Variants in KCNIP4 observed in about 807,000 individuals in gnomAD.
The protein encoded by KCNIP4 is potassium voltage-gated channel interacting protein 4, also known as Kv channel-interacting protein 4.
A neutral mutation model predicts 34.0 loss-of-function variants in KCNIP4; 12 were observed. The observed-to-expected ratio is 0.35, with a 90% confidence interval of 0.23 to 0.57. The LOEUF is 0.57. Ranked by LOEUF, KCNIP4 falls within the 20% of genes least tolerant of loss-of-function variation. The pLI is 0.83. For synonymous variants in KCNIP4, 124 were observed against 102.2 expected (o/e 1.21, Z -1.29); for missense variants, 238 against 311.7 (o/e 0.76, Z 1.78).
intron 2 of KCNIP4, among the ~76,000 whole-genome samples, chr4:20,875,493 T>C (rs1227517878): frequency 6.6e-6 from 1 of 152,210 alleles, no homozygotes; most frequent in Non-Finnish European, 1.5e-5. Flanking sequence ...GTTTGTTAAA[T>C]AGATAAAAAT....
chr4:21,874,658 A>C (rs928610799), intron 1 of KCNIP4, among the ~76,000 whole-genome samples: 2 of 152,130 alleles, frequency 1.3e-5, no homozygotes, highest in Admixed American at 6.5e-5. Context: ...TGGGTGCTAC[A>C]CCATTCTATT....
chr4:21,583,453 C>T (rs73252274), intron 1 of KCNIP4, among the ~76,000 whole-genome samples: 9,891 of 151,792 alleles, frequency 0.065, 473 homozygotes, highest in African/African-American at 0.13. Context: ...ATCTGACATA[C>T]AATAAGTGCT....
chr4:21,464,793 CA>C (rs1364047000), intron 1 of KCNIP4: 2 of 152,052 alleles, frequency 1.3e-5, no homozygotes, highest in Non-Finnish European at 2.9e-5. Flanking sequence ...TGTTCCATAC[CA>C]AAGCAGCAGA....
At chr4:21,365,059 C>A (rs1719607119) in intron 1 of KCNIP4, among the ~76,000 whole-genome samples, 1 of 152,070 alleles carries the variant, frequency 6.6e-6, no homozygotes, top group Non-Finnish European at 1.5e-5. Context: ...GAGTTTTCTC[C>A]TAAGGGTTTG....
At chr4:21,923,622 T>C (rs775616992) in intron 1 of KCNIP4, among the ~76,000 whole-genome samples, 103 of 152,038 alleles carry the variant, frequency 6.8e-4, no homozygotes, top group Non-Finnish European at 1.3e-3. Context: ...TTCTTGCTTC[T>C]AATATTCAAA....
At chr4:21,123,228 C>T (rs913220535) in intron 1 of KCNIP4, among the ~76,000 whole-genome samples, 5 of 152,030 alleles carry the variant, frequency 3.3e-5, no homozygotes, top group Admixed American at 6.5e-5. Context: ...TTACTGTTGA[C>T]TTTGACTTTT....
In KCNIP4 at chr4:21,723,536, C is replaced by T. The variant is rs112768608; in HGVS notation, c.61+225035G>A. 9.6e-3 allele frequency among the ~76,000 whole-genome samples: 1,454 copies of T among 151,984 alleles called. 27 individuals are homozygous for T. The highest frequency in any genetic ancestry group is 0.033 in the African/African-American group (1,384 of 41,436). On this transcript the variant is annotated intron_variant, in intron 1 of 8. Coordinates refer to ENST00000382152, the MANE Select transcript of KCNIP4 (RefSeq NM_025221.6). ...TTGAGTTCAGTATGGCTAGTGGAGA[C>T]GTGGTTTGTAGGAAAACATAGGAGA...
At chr4:21,446,260 C>A (rs1224200651) in intron 1 of KCNIP4, among the ~76,000 whole-genome samples, 3 of 152,000 alleles carry the variant, frequency 2.0e-5, no homozygotes, top group Non-Finnish European at 1.5e-5. Context: ...TTGACCCAGC[C>A]ATCCCATTAC....
intron 1 of KCNIP4, chr4:21,844,726 T>C (rs149843686): frequency 5.3e-5 from 8 of 152,210 alleles, no homozygotes; most frequent in Non-Finnish European, 1.0e-4. Flanking sequence ...CTGCTTTATC[T>C]TTATGAGACT....
intron 5 of KCNIP4, among the ~76,000 whole-genome samples, chr4:20,742,693 T>C (rs1031186218): frequency 2.0e-5 from 3 of 152,070 alleles, no homozygotes; most frequent in South Asian, 2.1e-4. Context: ...CTATTCAACA[T>C]AGTGTTGGAA....
intron 1 of KCNIP4, among the ~76,000 whole-genome samples, chr4:21,122,503 T>TATAGG (rs1750252149): frequency 6.6e-6 from 1 of 151,098 alleles, no homozygotes; most frequent in African/African-American, 2.4e-5. Context: ...TGAAAATCAA[T>TATAGG]ATTTTCCCCC....
At chr4:21,592,586 C>T (rs1240523565) in intron 1 of KCNIP4, among the ~76,000 whole-genome samples, 1 of 152,008 alleles carries the variant, frequency 6.6e-6, no homozygotes, top group African/African-American at 2.4e-5. Flanking sequence ...TAATTTTGTT[C>T]ATAGTTGTTT....
At chr4:21,479,387 A>G (rs1239279452) in intron 1 of KCNIP4, among the ~76,000 whole-genome samples, 1 of 152,190 alleles carries the variant, frequency 6.6e-6, no homozygotes, top group African/African-American at 2.4e-5. Context: ...TGAATAAGTG[A>G]TGTAGTTTTT....
chr4:21,254,019 G>A (rs918276963), intron 1 of KCNIP4, among the ~76,000 whole-genome samples: 1 of 152,196 alleles, frequency 6.6e-6, no homozygotes, highest in African/African-American at 2.4e-5. Context: ...ACAGAATTCA[G>A]ATTTGTGATT....
intron 1 of KCNIP4, among the ~76,000 whole-genome samples, chr4:21,097,757 T>A (rs1747588805): frequency 6.6e-6 from 1 of 152,114 alleles, no homozygotes. Context: ...AAAAACATTA[T>A]TGAAATTAGA....
intron 1 of KCNIP4, among the ~76,000 whole-genome samples, chr4:21,204,439 A>G (rs1481032374): frequency 1.3e-5 from 2 of 152,180 alleles, no homozygotes; most frequent in African/African-American, 2.4e-5. Flanking sequence ...TGTAAATCGT[A>G]AAGTGCTTGC....
chr4:20,992,840 C>T (rs1490432676), intron 1 of KCNIP4, among the ~76,000 whole-genome samples: 5 of 151,818 alleles, frequency 3.3e-5, no homozygotes, highest in Non-Finnish European at 7.4e-5. Context: ...CCAGCCTGGC[C>T]AACATAGTGA....
rs368934128 is a variant in KCNIP4, at chr4:20,824,029, G to A, written c.288+26514C>T. On this transcript the variant is annotated intron_variant, in intron 3 of 8. Coordinates refer to ENST00000382152, the MANE Select transcript of KCNIP4 (RefSeq NM_025221.6). ...TTCTTTGGGAACACCATTAGCTTCT[G>A]TGTTTGAGTTTCCTCATCTATAAAA... is the stretch of plus-strand genomic sequence containing the variant. 2.6e-5 allele frequency among the ~76,000 whole-genome samples: 4 copies of A among 152,172 alleles called. No individual in the cohort carries two copies. In the East Asian group the frequency reaches 5.8e-4, roughly 22 times the overall value.
intron 1 of KCNIP4, among the ~76,000 whole-genome samples, chr4:21,530,512 T>G (rs1736583537): frequency 6.6e-6 from 1 of 152,158 alleles, no homozygotes; most frequent in South Asian, 2.1e-4. Flanking sequence ...AAAATAATTT[T>G]TAAGATACCA....
Sources: gnomAD v4.1 joint callset for allele counts (sites outside exome capture counted in the v4.1 genomes callset) on GRCh38, gnomAD v4.1.1 for gene constraint, MANE v1.5 for transcripts, NCBI Gene and HGNC (gene_info 2026-07-23, HGNC 2026-07-21) for gene names.